HTR2A: variants seen among roughly 807,000 people sequenced by gnomAD.
HTR2A encodes the protein 5-hydroxytryptamine receptor 2A.
In HTR2A, 14 loss-of-function variants were observed where a neutral mutation model predicts 31.0. That is an observed-to-expected ratio of 0.45 (90% CI 0.30 to 0.71). The LOEUF is 0.71. HTR2A is among the 30% of genes least tolerant of loss of function. The pLI is 0.09. For synonymous variants in HTR2A, 209 were observed against 225.2 expected (o/e 0.93, Z 0.64); for missense variants, 442 against 573.3 (o/e 0.77, Z 2.34).
Position 46,895,446 on chromosome 13 carries a change from T to A in HTR2A, c.412+49A>T. 1.3e-6 allele frequency: 2 copies of A among 1,561,010 alleles called. No homozygotes were observed. Among genetic ancestry groups the A allele is most frequent in the Non-Finnish European group, 1.7e-6 (2 of 1,146,474 alleles). Reference sequence around the variant, plus strand: ...ATCTCATCTGCTGGTGGCATGCACATGCTCTTTATTACCAGTGCGAATATA... The same window carrying A: ...ATCTCATCTGCTGGTGGCATGCACAAGCTCTTTATTACCAGTGCGAATATA... On this transcript the variant is annotated intron_variant, in intron 2 of 3. Transcript: ENST00000542664. This position sits in a 1 kb window ranked among gnomAD's most constrained non-coding sequence, Gnocchi z 4.4.
At chr13:46,851,047 G>A (rs1265279213) in intron 3 of HTR2A, among the ~76,000 whole-genome samples, 1 of 152,136 alleles carries the variant, frequency 6.6e-6, no homozygotes, top group Non-Finnish European at 1.5e-5. Flanking sequence ...AAAAGTTCAT[G>A]TTCATGTGAC....
At chr13:46,879,848 T>C (rs981702950) in intron 3 of HTR2A, among the ~76,000 whole-genome samples, 10 of 151,898 alleles carry the variant, frequency 6.6e-5, no homozygotes, top group African/African-American at 2.4e-4. Context: ...TTACAAAAAA[T>C]ACAAAAATTA....
At chr13:46,838,398 G>T (rs1032305711) in intron 3 of HTR2A, among the ~76,000 whole-genome samples, 2 of 152,126 alleles carry the variant, frequency 1.3e-5, no homozygotes, top group South Asian at 2.1e-4. Context: ...GATCAAATTT[G>T]CAGAGCACCT....
In HTR2A at chr13:46,895,740, G is replaced by T; in HGVS notation, c.167C>A (p.Ser56Tyr). 1 of 1,614,204 alleles carries T rather than the reference G, an allele frequency of 6.2e-7. No homozygotes were observed. Among genetic ancestry groups the T allele is most frequent in the Non-Finnish European group, 8.5e-7 (1 of 1,180,044 alleles). ...TVDSENRTNL[S>Y]CEGCLSPSCL... ...CGACGGTGAGAGGCACCCTTCACAG[G>T]AAAGGTTGGTTCGATTTTCAGAGTC... The change falls in exon 2 of 4, where the codon TCC (serine) becomes TAC (tyrosine). Residue 56 changes from serine to tyrosine, a missense_variant. By Grantham distance (144) the Ser-to-Tyr change is moderately radical. Transcript: ENST00000542664. This position sits in a 1 kb window ranked among gnomAD's most constrained non-coding sequence, Gnocchi z 4.4.
chr13:46,848,760 T>C (rs1353571968), intron 3 of HTR2A, among the ~76,000 whole-genome samples: 1 of 152,260 alleles, frequency 6.6e-6, no homozygotes, highest in Non-Finnish European at 1.5e-5. Flanking sequence ...TAATCTAGTG[T>C]TCTTTTCATG....
intron 3 of HTR2A, among the ~76,000 whole-genome samples, chr13:46,876,476 C>T (rs1246439350): frequency 3.6e-5 from 5 of 138,760 alleles, no homozygotes; most frequent in Admixed American, 2.4e-4. Context: ...GTGGCGCAAT[C>T]TCAGCTCACT....
At chr13:46,876,571 T>G (rs867443177) in intron 3 of HTR2A, among the ~76,000 whole-genome samples, 30 of 151,170 alleles carry the variant, frequency 2.0e-4, no homozygotes, top group African/African-American at 7.0e-4. Context: ...CACCACGCCC[T>G]ACTAATTTTC....
chr13:46,836,742 C>T (rs1374443094), intron 3 of HTR2A, among the ~76,000 whole-genome samples: 1 of 152,074 alleles, frequency 6.6e-6, no homozygotes, highest in East Asian at 1.9e-4. Context: ...AAATCCTAGA[C>T]ATCATGTCAT....
At chr13:46,897,165 T>A (rs1487428839), upstream of HTR2A, 1 of 225,940 alleles carries the variant, frequency 4.4e-6, no homozygotes, top group African/African-American at 2.3e-5. Context: ...CTCTTTTTGC[T>A]ACATATTAAT....
chr13:46,855,863 T>C (rs1950732421), intron 3 of HTR2A, among the ~76,000 whole-genome samples: 1 of 152,152 alleles, frequency 6.6e-6, no homozygotes, highest in Non-Finnish European at 1.5e-5. Flanking sequence ...GTGGGTGGGG[T>C]CCGCAAAAGT....
chr13:46,849,539 T>C (rs1306266878), intron 3 of HTR2A, among the ~76,000 whole-genome samples: 1 of 152,212 alleles, frequency 6.6e-6, no homozygotes, highest in Non-Finnish European at 1.5e-5. Flanking sequence ...CCTTTCTTAC[T>C]ACACTTGAGC....
At chr13:46,863,506 C>T (rs1008538340) in intron 3 of HTR2A, among the ~76,000 whole-genome samples, 2 of 150,166 alleles carry the variant, frequency 1.3e-5, no homozygotes, top group African/African-American at 4.9e-5. Flanking sequence ...GCCTGTAGTC[C>T]CAGCTACTTA....
intron 3 of HTR2A, among the ~76,000 whole-genome samples, chr13:46,876,268 C>G (rs758601684): frequency 2.6e-5 from 4 of 151,972 alleles, no homozygotes; most frequent in Non-Finnish European, 4.4e-5. Context: ...CATCTCTGAT[C>G]CCCAATTTTT....
rs141320531 is a variant in HTR2A at position 46,889,017 on chromosome 13, A to C, written c.613+3373T>G. On this transcript the variant is annotated intron_variant, in intron 3 of 3. Coordinates refer to ENST00000542664, the MANE Select transcript of HTR2A (RefSeq NM_000621.5). ...ATTGTAAGATAACAGATTTAAACCC[A>C]AATATGAGTTAACATTATATGTAAA... Among the ~76,000 whole-genome samples the C allele has an allele frequency of 6.5e-4, 99 of 152,318 alleles. 1 individual carries two copies. The highest frequency in any genetic ancestry group is 2.2e-3 in the African/African-American group (93 of 41,584).
At chr13:46,890,267 C>A (rs527462487) in intron 3 of HTR2A, among the ~76,000 whole-genome samples, 5 of 152,172 alleles carry the variant, frequency 3.3e-5, no homozygotes, top group African/African-American at 1.2e-4. Flanking sequence ...AGCTTGAATG[C>A]GGGAGGCGGA....
chr13:46,842,234 G>T (rs1040092892), intron 3 of HTR2A, among the ~76,000 whole-genome samples: 1 of 151,894 alleles, frequency 6.6e-6, no homozygotes, highest in African/African-American at 2.4e-5. Context: ...CTCTTTTCTA[G>T]GCTGCATATT....
chr13:46,890,162 G>A (rs561418424), intron 3 of HTR2A, among the ~76,000 whole-genome samples: 49 of 152,304 alleles, frequency 3.2e-4, no homozygotes, highest in African/African-American at 1.2e-3. Context: ...TGACCAACAT[G>A]GAGAAACCTT....
Position 46,832,936 on chromosome 13 carries a change from T to C in HTR2A, c.*1901A>G, listed in dbSNP as rs548290059. 21 of 152,336 alleles carry C rather than the reference T, an allele frequency of 1.4e-4. No homozygotes were observed. The highest frequency in any genetic ancestry group is 2.6e-4 in the Non-Finnish European group (18 of 68,030). The allele number at this position is 152,336 out of a possible 1,614,324, so 9.4% of individuals were successfully genotyped here. A position where few individuals can be genotyped will look rare whatever the true frequency, so the allele number is the denominator to read the frequency against. On this transcript the variant is annotated 3_prime_UTR_variant, in exon 4 of 4. Coordinates refer to ENST00000542664, the MANE Select transcript of HTR2A (RefSeq NM_000621.5). Reference sequence around the variant, plus strand: ...TGCAATTTAACCTTGAGTGTTATAATATCAAGGTGGATTAACTGTTGTTAA... The same window carrying C: ...TGCAATTTAACCTTGAGTGTTATAACATCAAGGTGGATTAACTGTTGTTAA...
At chr13:46,857,833 G>T (rs1329042623) in intron 3 of HTR2A, among the ~76,000 whole-genome samples, 1 of 152,142 alleles carries the variant, frequency 6.6e-6, no homozygotes, top group Non-Finnish European at 1.5e-5. Context: ...GCCACATCTC[G>T]AAGGGCCTTG....
Sources: allele counts gnomAD v4.1 joint callset (sites outside exome capture counted in the v4.1 genomes callset), GRCh38; gene constraint gnomAD v4.1.1; non-coding constraint Gnocchi (gnomAD v3.1); transcripts MANE v1.5; gene names NCBI Gene and HGNC (gene_info 2026-07-23, HGNC 2026-07-21).